Variants in RGS7 observed in about 807,000 individuals in gnomAD.
RGS7 encodes regulator of G-protein signaling 7.
RGS7 carries 27 observed loss-of-function variants against 81.1 expected under a neutral mutation model. The observed-to-expected ratio is 0.33, with a 90% CI of 0.25 to 0.46. RGS7 has a LOEUF of 0.46. Among genes scored for constraint, RGS7 ranks in the 20% least tolerant of loss-of-function variants. RGS7 has a pLI of 1.00. For synonymous variants in RGS7, 208 were observed against 207.7 expected, an observed-to-expected ratio of 1.00 and a Z score of -0.01; for missense variants, 396 against 607.4, an observed-to-expected ratio of 0.65 and a Z score of 3.66.
At chr1:240,888,851 G>A (rs1667800526) in intron 6 of RGS7, among the ~76,000 whole-genome samples, 1 of 152,144 alleles carries the variant, frequency 6.6e-6, no homozygotes, top group African/African-American at 2.4e-5. Flanking sequence ...ACAGCTGGAG[G>A]TTAGGGAACG....
intron 3 of RGS7, among the ~76,000 whole-genome samples, chr1:241,092,343 T>C (rs2148933891): frequency 6.6e-6 from 1 of 152,358 alleles, no homozygotes; most frequent in East Asian, 1.9e-4. Context: ...TTTGGATCTC[T>C]ATTCTTCTAA....
At position 240,806,346 on chromosome 1, in the gene RGS7, G is replaced by C; in HGVS notation, c.1083-20C>G. 1 of 1,611,744 alleles carries C rather than the reference G, an allele frequency of 6.2e-7. No individual in the cohort carries two copies. The highest frequency in any genetic ancestry group is 8.5e-7 in the Non-Finnish European group (1 of 1,178,074). On this transcript the variant is annotated intron_variant, in intron 14 of 18. Coordinates refer to ENST00000440928, the MANE Select transcript of RGS7 (RefSeq NM_001364886.1). ...CAGAATCTATGCAGAATGTGAGATC[G>C]GGTGTTTACTCTGATGGCCCATCAT...
intron 2 of RGS7, among the ~76,000 whole-genome samples, chr1:241,132,551 G>A (rs2067178623): frequency 6.6e-6 from 1 of 151,786 alleles, no homozygotes; most frequent in Admixed American, 6.5e-5. Flanking sequence ...ACCCCACAAC[G>A]AAATAATCAA....
At chr1:241,299,637 T>C (rs2079615327) in intron 2 of RGS7, among the ~76,000 whole-genome samples, 1 of 152,030 alleles carries the variant, frequency 6.6e-6, no homozygotes, top group African/African-American at 2.4e-5. Context: ...TAATCCACTG[T>C]AAATTTCAAA....
At chr1:240,945,955 C>T (rs1678529471) in intron 4 of RGS7, among the ~76,000 whole-genome samples, 1 of 152,116 alleles carries the variant, frequency 6.6e-6, no homozygotes, top group African/African-American at 2.4e-5. Context: ...CACAAGCTTT[C>T]CATGAACCTA....
intron 3 of RGS7, among the ~76,000 whole-genome samples, chr1:241,090,213 A>G (rs1418131245): frequency 1.3e-5 from 2 of 152,174 alleles, no homozygotes; most frequent in Non-Finnish European, 2.9e-5. Flanking sequence ...AGTTCAGGTA[A>G]GCGGAGATAA....
chr1:240,818,788 G>A (rs943379423), intron 10 of RGS7, among the ~76,000 whole-genome samples: 1 of 152,144 alleles, frequency 6.6e-6, no homozygotes, highest in African/African-American at 2.4e-5. Context: ...GGGATAGGGG[G>A]TGAGGAAAAG....
At position 241,068,257 on chromosome 1, in the gene RGS7, T is replaced by TATATATATATATA. The variant is rs1433690559; in HGVS notation, c.175+30408_175+30409insTATATATATATAT. On this transcript the variant is annotated intron_variant, in intron 3 of 18. Coordinates refer to ENST00000440928, the MANE Select transcript of RGS7 (RefSeq NM_001364886.1). ...GTGTGTGTATATATATATATATATA[T>TATATATATATATA]AAAATATTGTGTATATATAATATTA... 3.1e-4 allele frequency among the ~76,000 whole-genome samples: 23 copies of TATATATATATATA among 73,272 alleles called. 1 individual carries two copies. The highest frequency in any genetic ancestry group is 1.9e-4 in the Admixed American group (1 of 5,268). The allele number at this position is 73,272 out of a possible 152,430, so 48.1% of individuals were successfully genotyped here.
intron 6 of RGS7, among the ~76,000 whole-genome samples, chr1:240,884,163 C>T (rs979553291): frequency 4.0e-5 from 6 of 149,504 alleles, no homozygotes; most frequent in East Asian, 2.0e-4. Flanking sequence ...AAGGCTGTGG[C>T]GTGCCTTACG....
At chr1:241,209,027 C>T (rs912080250) in intron 2 of RGS7, among the ~76,000 whole-genome samples, 2 of 152,220 alleles carry the variant, frequency 1.3e-5, no homozygotes, top group African/African-American at 4.8e-5. Context: ...ACTATGTTCT[C>T]ATGGATACAG....
chr1:241,039,284 T>C (rs1397546373), intron 3 of RGS7, among the ~76,000 whole-genome samples: 1 of 152,232 alleles, frequency 6.6e-6, no homozygotes, highest in African/African-American at 2.4e-5. Flanking sequence ...GATCAAACAC[T>C]GGGCATGAGG....
At chr1:240,782,955 TATACTC>T (rs1206627154) in intron 18 of RGS7, among the ~76,000 whole-genome samples, 1 of 152,170 alleles carries the variant, frequency 6.6e-6, no homozygotes, top group Non-Finnish European at 1.5e-5. Context: ...GAAAGACAAA[TATACTC>T]AGAACATAAC....
chr1:240,951,036 C>T (rs779830497), intron 4 of RGS7, among the ~76,000 whole-genome samples: 1 of 152,002 alleles, frequency 6.6e-6, no homozygotes, highest in Non-Finnish European at 1.5e-5. Flanking sequence ...ATCCTCCCAA[C>T]TCAGCCTTCC....
Position 240,868,601 on chromosome 1 carries a change from C to T in RGS7, c.595G>A (p.Val199Met). 4 of 1,614,098 alleles carry T rather than the reference C, an allele frequency of 2.5e-6. No individual in the cohort carries two copies. Among genetic ancestry groups the T allele is most frequent in the Non-Finnish European group, 2.5e-6 (3 of 1,179,976 alleles). Reference protein sequence around the residue: ...LDSQERAFWDVHRPVPGCVNT... With the variant: ...LDSQERAFWDMHRPVPGCVNT... ...CGCTTGCTTACCACGGGCCTGTGCA[C>T]GTCCCAGAACGCTCTCTCTTGGCTG... Residue 199 changes from valine (V) to methionine (M), a missense_variant, in exon 9 of 19, where the codon GTG becomes ATG. Transcript: ENST00000440928. The surrounding 1 kb of genome is among the most constrained non-coding windows in gnomAD (Gnocchi z 5.1).
chr1:240,814,906 TA>T (rs1357501727), intron 11 of RGS7, 129 bp from the exon 12 acceptor site: 1 of 705,464 alleles, frequency 1.4e-6, no homozygotes, highest in Non-Finnish European at 2.6e-6. Context: ...CAAAGTTGGT[TA>T]AAAAAATAGA....
intron 2 of RGS7, among the ~76,000 whole-genome samples, chr1:241,220,456 C>A (rs970468243): frequency 1.3e-5 from 2 of 152,070 alleles, no homozygotes; most frequent in African/African-American, 2.4e-5. Context: ...GTAGAGCCAG[C>A]GTTAAGAACT....
At chr1:241,075,951 C>T (rs1300834923) in intron 3 of RGS7, among the ~76,000 whole-genome samples, 1 of 152,208 alleles carries the variant, frequency 6.6e-6, no homozygotes, top group African/African-American at 2.4e-5. Flanking sequence ...TCCTTTTGAA[C>T]ATATCTTCTA....
chr1:241,066,141 C>G (rs2062048978), intron 3 of RGS7, among the ~76,000 whole-genome samples: 1 of 152,070 alleles, frequency 6.6e-6, no homozygotes, highest in African/African-American at 2.4e-5. Context: ...AACTCAACTA[C>G]CAACATTATG....
intron 3 of RGS7, among the ~76,000 whole-genome samples, chr1:241,055,453 TAC>T (rs2061431745): frequency 6.6e-6 from 1 of 151,952 alleles, no homozygotes; most frequent in Non-Finnish European, 1.5e-5. Context: ...TTACAAAGGA[TAC>T]AGATGAACAG....
Sources: allele counts gnomAD v4.1 joint callset (sites outside exome capture counted in the v4.1 genomes callset), GRCh38; gene constraint gnomAD v4.1.1; non-coding constraint Gnocchi (gnomAD v3.1); transcripts MANE v1.5; gene names NCBI Gene and HGNC (gene_info 2026-07-23, HGNC 2026-07-21).